Variants in GNAS observed in about 807,000 individuals in gnomAD.
GNAS encodes the protein GNAS complex locus.
In GNAS, 8 loss-of-function variants were observed where a neutral mutation model predicts 54.5. That is an observed-to-expected ratio of 0.15 (90% CI 0.09 to 0.26). The LOEUF is 0.26. GNAS is among the 10% of genes least tolerant of loss of function. The probability of loss-of-function intolerance (pLI) is 1.00; values close to 1 mark genes in which losing one functional copy is unlikely to be tolerated. For missense variants in GNAS, 170 were observed against 529.8 expected (o/e 0.32, Z 6.67); for synonymous variants, 204 against 191.4 (o/e 1.07, Z -0.54).
At chr20:58,894,987 G>A (rs1224074935) in intron 1 of GNAS, among the ~76,000 whole-genome samples, 1 of 152,188 alleles carries the variant, frequency 6.6e-6, no homozygotes, top group Admixed American at 6.5e-5. Flanking sequence ...GAGGAAAGAG[G>A]AGGATGGATA....
intron 1 of GNAS, chr20:58,855,239 G>C: frequency 6.3e-7 from 1 of 1,591,728 alleles, no homozygotes; most frequent in African/African-American, 1.3e-5. Flanking sequence ...AGCGGGCCCA[G>C]AAGCGCGCAG....
At position 58,863,939 on chromosome 20, in the gene GNAS, G is replaced by A. The variant is rs1416610372; in HGVS notation, c.43+23053G>A. ...CTTATCATGATCCACAGAAACTAAAGTCAGGCATTGTAGGACAGTCCAGAA... is the reference window on the plus strand; with the variant it reads ...CTTATCATGATCCACAGAAACTAAAATCAGGCATTGTAGGACAGTCCAGAA... On this transcript the variant is annotated intron_variant, in intron 1 of 12. Coordinates refer to the GNAS transcript ENST00000306090. The surrounding 1 kb of genome is among the most constrained non-coding windows in gnomAD (Gnocchi z 4.1). 3 of 152,562 alleles carry A rather than the reference G, an allele frequency of 2.0e-5. No individual in the cohort carries two copies. The highest frequency in any genetic ancestry group is 4.1e-4 in the South Asian group (2 of 4,830). The allele number at this position is 152,562 out of a possible 1,614,324, so 9.5% of individuals were successfully genotyped here.
chr20:58,840,019 C>G, upstream of GNAS: 1 of 1,491,916 alleles, frequency 6.7e-7, no homozygotes, highest in Non-Finnish European at 9.2e-7. The surrounding 1 kb of genome is among the most constrained non-coding windows in gnomAD (Gnocchi z 6.0). Context: ...TAGGGTGTAC[C>G]TTTCCCGGCT....
intron 1 of GNAS, among the ~76,000 whole-genome samples, chr20:58,849,901 G>A (rs1197554422): frequency 6.6e-6 from 1 of 152,122 alleles, no homozygotes; most frequent in African/African-American, 2.4e-5. Context: ...CTCACTTGCA[G>A]AACAAAAAAC....
At chr20:58,892,310 G>T (rs189118045) in intron 1 of GNAS, 4,334 of 319,950 alleles carry the variant, frequency 0.014, 46 homozygotes, top group Middle Eastern at 0.02. Flanking sequence ...TAGAGGGAGG[G>T]GGACCCGCCT....
At chr20:58,872,624 G>C (rs1198763362) in intron 1 of GNAS, among the ~76,000 whole-genome samples, 1 of 151,922 alleles carries the variant, frequency 6.6e-6, no homozygotes, top group African/African-American at 2.4e-5. Context: ...TATTCTCTTG[G>C]GTTATGTTCA....
At chr20:58,904,221 C>T (rs6100269) in intron 5 of GNAS, among the ~76,000 whole-genome samples, 26,124 of 152,070 alleles carry the variant, frequency 0.17, 3,216 homozygotes, top group African/African-American at 0.35. Flanking sequence ...TCCATTTACT[C>T]CACTGGAAGT....
In GNAS at chr20:58,891,690, C is replaced by T. The variant is rs1261335187; in HGVS notation, c.-37C>T. On this transcript the variant is annotated 5_prime_UTR_variant, in exon 1 of 13. Coordinates refer to ENST00000371085, the MANE Select transcript of GNAS (RefSeq NM_000516.7). Reference sequence around the variant, plus strand: ...TGAGGCCGCCCGCGCCCGCCGCCGCCGCAGCCCGGCCGCGCCCCGCCGCCG... The same window carrying T: ...TGAGGCCGCCCGCGCCCGCCGCCGCTGCAGCCCGGCCGCGCCCCGCCGCCG... 3.0e-6 allele frequency: 3 copies of T among 987,722 alleles called. No individual in the cohort carries two copies. The highest frequency in any genetic ancestry group is 6.1e-5 in the Admixed American group (1 of 16,318). 61.2% of individuals were successfully genotyped at this position (987,722 alleles called of 1,614,324 possible).
At chr20:58,891,038 G>T (rs185799410), upstream of GNAS, among the ~76,000 whole-genome samples, 3,153 of 151,220 alleles carry the variant, frequency 0.021, 57 homozygotes, top group Middle Eastern at 0.038. Context: ...GGTCCGGGGG[G>T]TGGAGCGTTG....
At chr20:58,888,925 T>A (rs1169129405), upstream of GNAS, 3 of 211,842 alleles carry the variant, frequency 1.4e-5, no homozygotes, top group Non-Finnish European at 2.4e-5. Context: ...GAGGCGGGGT[T>A]GAGCGCCCAC....
In GNAS at chr20:58,910,118, C is replaced by G. The variant is rs1446944041; in HGVS notation, c.970+37C>G. ...TTCCACTCTTGCTGGCTGTTCATTG[C>G]GGTGGTTCTTTTTCAAACGGTCAGG... is the stretch of plus-strand genomic sequence containing the variant. On this transcript the variant is annotated intron_variant, in intron 11 of 12. Coordinates refer to ENST00000371085, the MANE Select transcript of GNAS (RefSeq NM_000516.7). The surrounding 1 kb of genome is among the most constrained non-coding windows in gnomAD (Gnocchi z 5.8). 1 of 1,606,814 alleles carries G rather than the reference C, an allele frequency of 6.2e-7. No homozygotes were observed. Among genetic ancestry groups the G allele is most frequent in the Non-Finnish European group, 8.5e-7 (1 of 1,173,502 alleles).
At chr20:58,860,458 A>C (rs2086726621) in intron 1 of GNAS, among the ~76,000 whole-genome samples, 1 of 152,126 alleles carries the variant, frequency 6.6e-6, no homozygotes. Context: ...TTTTCTGCAT[A>C]GCTCTATTAT....
intron 1 of GNAS, among the ~76,000 whole-genome samples, chr20:58,892,725 C>T (rs1194333345): frequency 6.6e-6 from 1 of 151,978 alleles, no homozygotes; most frequent in East Asian, 1.9e-4. Context: ...TAAGACCACC[C>T]CCCAACACCA....
rs1024858472 is a variant in GNAS at position 58,863,644 on chromosome 20, G to C, written c.43+22758G>C. 1 of 152,284 alleles carries C rather than the reference G, an allele frequency of 6.6e-6. No homozygotes were observed. Among genetic ancestry groups the C allele is most frequent in the Non-Finnish European group, 1.5e-5 (1 of 68,026 alleles). The allele number at this position is 152,284 out of a possible 1,614,324, so 9.4% of individuals were successfully genotyped here. On this transcript the variant is annotated intron_variant, in intron 1 of 12. Transcript: ENST00000306090. The surrounding 1 kb of genome is among the most constrained non-coding windows in gnomAD (Gnocchi z 4.1). The stretch of plus-strand genomic sequence containing the variant: ...TCACAGTTGAGCTTTCACAAGCTCA[G>C]TGTCACCACTGAGTGAGCATCGATT...
rs2089391882 is a variant in GNAS, at chr20:58,891,861, G to A, written c.135G>A (p.Leu45=). 1.6e-6 allele frequency: 2 copies of A among 1,223,864 alleles called. No homozygotes were observed. Among genetic ancestry groups the A allele is most frequent in the Non-Finnish European group, 2.1e-6 (2 of 943,542 alleles). The allele number at this position is 1,223,864 out of a possible 1,614,324, so 75.8% of individuals were successfully genotyped here. A position where few individuals can be genotyped will look rare whatever the true frequency, so the allele number is the denominator to read the frequency against. The part of the protein sequence containing the change: ...QVYRATHRLL[L]LGAGESGKST... ...ACCGGGCCACGCACCGCCTGCTGCT[G>A]CTGGGTAAGGGCGGGCGGGGGGCGC... Residue 45 remains leucine, a synonymous_variant, in exon 1 of 13, where the codon CTG becomes CTA. Coordinates refer to ENST00000371085, the MANE Select transcript of GNAS (RefSeq NM_000516.7).
intron 1 of GNAS, chr20:58,852,934 G>A (rs1464714862): frequency 2.3e-6 from 2 of 882,328 alleles, no homozygotes; most frequent in African/African-American, 3.5e-5. Context: ...TCAGATCCAA[G>A]CAGGCGGGAC....
At chr20:58,855,103 T>C (rs1391470786) in intron 1 of GNAS, 1 of 1,613,648 alleles carries the variant, frequency 6.2e-7, no homozygotes, top group Non-Finnish European at 8.5e-7. Context: ...AACTTTCTCG[T>C]GCAAGCCTTC....
chr20:58,881,134 C>G (rs1044642781), intron 1 of GNAS, among the ~76,000 whole-genome samples: 4 of 152,150 alleles, frequency 2.6e-5, no homozygotes, highest in African/African-American at 7.2e-5. Flanking sequence ...TAAAAGAAAA[C>G]TAAGGAACTT....
Position 58,841,712 on chromosome 20 carries a change from T to G in GNAS, c.43+826T>G. 1.6e-6 allele frequency: 2 copies of G among 1,216,586 alleles called. No homozygotes were observed. The highest frequency in any genetic ancestry group is 2.0e-6 in the Non-Finnish European group (2 of 978,540). 75.4% of individuals were successfully genotyped at this position (1,216,586 alleles called of 1,614,324 possible). On this transcript the variant is annotated intron_variant, in intron 1 of 12. Transcript: ENST00000306090. This position sits in a 1 kb window ranked among gnomAD's most constrained non-coding sequence, Gnocchi z 5.0. ...GTAAGGGGACCCTTGGGGATGCCCC[T>G]ACGGGCTACCAGGGTTGAACGCACA... is the stretch of plus-strand genomic sequence containing the variant.
Sources: allele counts gnomAD v4.1 joint callset (sites outside exome capture counted in the v4.1 genomes callset), GRCh38; gene constraint gnomAD v4.1.1; non-coding constraint Gnocchi (gnomAD v3.1); transcripts MANE v1.5; gene names NCBI Gene and HGNC (gene_info 2026-07-23, HGNC 2026-07-21).